The following NT5DC3 variants were observed in gnomAD, a reference collection of about 807,000 sequenced individuals.
NT5DC3 encodes 5'-nucleotidase domain containing 3.
Under a neutral mutation model 67.8 loss-of-function variants are expected in NT5DC3, and 42 were observed. The observed-to-expected ratio is 0.62, with a 90% confidence interval of 0.48 to 0.80. The LOEUF (loss-of-function observed/expected upper bound fraction) is 0.80. Ranked by LOEUF, NT5DC3 falls within the 30% of genes least tolerant of loss-of-function variation. NT5DC3 has a pLI of 0.00. For synonymous variants in NT5DC3, 237 were observed against 255.6 expected (o/e 0.93, Z 0.69); for missense variants, 570 against 696.4 (o/e 0.82, Z 2.04).
chr12:103,762,735 G>A, the NT5DC3 span, among the ~76,000 whole-genome samples: 1 of 152,214 alleles, frequency 6.6e-6, no homozygotes, highest in South Asian at 2.1e-4. Flanking sequence ...AGGATTCACT[G>A]CACAAGCACA....
intron 1 of NT5DC3, among the ~76,000 whole-genome samples, chr12:103,836,922 C>T (rs1593447622): frequency 6.6e-6 from 1 of 152,130 alleles, no homozygotes; most frequent in Non-Finnish European, 1.5e-5. Context: ...GCCCTCTTCT[C>T]GCAGCTCCAC....
intron 1 of NT5DC3, among the ~76,000 whole-genome samples, chr12:103,838,578 T>C (rs551331307): frequency 1.6e-4 from 24 of 152,362 alleles, no homozygotes; most frequent in African/African-American, 5.8e-4. Context: ...TTGTACTCTT[T>C]GGCATTTAGA....
chr12:103,763,570 A>G, the NT5DC3 span: 2 of 1,613,984 alleles, frequency 1.2e-6, no homozygotes, highest in Middle Eastern at 1.6e-4. Flanking sequence ...TGAGAGCACA[A>G]CCTCAGCTCC....
chr12:103,793,392 A>T lies in NT5DC3; in HGVS notation c.917+18T>A. 6.2e-7 allele frequency: 1 copy of T among 1,602,932 alleles called. No homozygotes were observed. Among genetic ancestry groups the T allele is most frequent in the Non-Finnish European group, 8.5e-7 (1 of 1,169,886 alleles). On this transcript the variant is annotated intron_variant, in intron 8 of 13. Transcript: ENST00000392876. Reference sequence around the variant, plus strand: ...AGGAGTGTGCCAGAAGCTAGCAATGAAACACAGAGCAACTTACACAAAGCT... The same window carrying T: ...AGGAGTGTGCCAGAAGCTAGCAATGTAACACAGAGCAACTTACACAAAGCT...
rs1319540073 is a variant in NT5DC3, at chr12:103,775,085, T to C, written c.*2744A>G. 1 of 150,296 alleles carries C rather than the reference T, an allele frequency of 6.7e-6. No homozygotes were observed. Among genetic ancestry groups the C allele is most frequent in the African/African-American group, 2.5e-5 (1 of 40,706 alleles). The allele number at this position is 150,296 out of a possible 1,614,324, so 9.3% of individuals were successfully genotyped here. A position where few individuals can be genotyped will look rare whatever the true frequency, so the allele number is the denominator to read the frequency against. On this transcript the variant is annotated 3_prime_UTR_variant, in exon 14 of 14. Coordinates refer to ENST00000392876, the MANE Select transcript of NT5DC3 (RefSeq NM_001031701.3). ...ACTGAGTATATACAAGGATTAATAATAAAGTGGGATGTGCCTCCATCGTTC... is the reference window on the plus strand; with the variant it reads ...ACTGAGTATATACAAGGATTAATAACAAAGTGGGATGTGCCTCCATCGTTC...
At chr12:103,806,203 T>A (rs1483052478) in intron 4 of NT5DC3, 119 bp downstream of exon 4, 1 of 696,886 alleles carries the variant, frequency 1.4e-6, no homozygotes, top group African/African-American at 1.8e-5. Context: ...AGTAAGTGAG[T>A]GAATGAATGA....
chr12:103,807,104 G>A (rs1006377848), intron 2 of NT5DC3, among the ~76,000 whole-genome samples, 175 bp from the exon 3 acceptor site: 4 of 152,174 alleles, frequency 2.6e-5, no homozygotes, highest in African/African-American at 9.7e-5. Context: ...CTCCTAGCAA[G>A]CACGCTGGCC....
At chr12:103,780,683 A>G (rs1885513041) in intron 12 of NT5DC3, among the ~76,000 whole-genome samples, 1 of 152,282 alleles carries the variant, frequency 6.6e-6, no homozygotes, top group Admixed American at 6.5e-5. Flanking sequence ...TAACACATGT[A>G]TGTGATATAT....
chr12:103,750,900 G>A, the NT5DC3 span, among the ~76,000 whole-genome samples: 812 of 152,330 alleles, frequency 5.3e-3, 37 homozygotes, highest in Admixed American at 0.049. Flanking sequence ...AGACCAGCCC[G>A]GCCAACATGG....
chr12:103,783,160 AATAACTT>A (rs1386737026), intron 12 of NT5DC3, among the ~76,000 whole-genome samples: 3 of 152,224 alleles, frequency 2.0e-5, no homozygotes, highest in African/African-American at 7.2e-5. Context: ...GGCTCAGTGG[AATAACTT>A]ATAACTTTCT....
At chr12:103,750,604 G>A in the NT5DC3 span, 3 of 1,614,090 alleles carry the variant, frequency 1.9e-6, no homozygotes, top group Admixed American at 3.3e-5. Flanking sequence ...GAGTGTAAAA[G>A]TCACTATGTC....
intron 12 of NT5DC3, among the ~76,000 whole-genome samples, chr12:103,782,379 G>A (rs10861100): frequency 0.16 from 22,667 of 138,066 alleles, 1,972 homozygotes; most frequent in East Asian, 0.48. Context: ...AGAAAAAAAA[G>A]AGAAGAATTT....
chr12:103,763,693 G>A, the NT5DC3 span: 4 of 1,243,012 alleles, frequency 3.2e-6, no homozygotes, highest in South Asian at 5.4e-5. Flanking sequence ...GGAGATCTTT[G>A]TACCAAAGAA....
chr12:103,831,816 C>T (rs1236465237), intron 1 of NT5DC3, among the ~76,000 whole-genome samples: 4 of 143,534 alleles, frequency 2.8e-5, no homozygotes, highest in Admixed American at 7.2e-5. Context: ...CAATCTGTCA[C>T]TCAGGCTGGA....
rs1279940049 is a variant in NT5DC3, at chr12:103,805,840, C to T, written c.524+482G>A. ...CAGCCTGGGCATCACAGCGAGACTC[C>T]ACCTCAAAAAAAAAAAAAAAAAAAA... On this transcript the variant is annotated intron_variant, in intron 4 of 13. Coordinates refer to ENST00000392876, the MANE Select transcript of NT5DC3 (RefSeq NM_001031701.3). Among the ~76,000 whole-genome samples, 3 of 116,360 alleles carry T rather than the reference C, an allele frequency of 2.6e-5. No individual in the cohort carries two copies. The East Asian group carries it at 8.6e-4, about 34-fold the overall frequency. The allele number at this position is 116,360 out of a possible 152,430, so 76.3% of individuals were successfully genotyped here.
the NT5DC3 span, chr12:103,755,567 C>A: frequency 6.2e-7 from 1 of 1,611,978 alleles, no homozygotes; most frequent in Non-Finnish European, 8.5e-7. Context: ...GCAGCCCTGG[C>A]CCCTGCCTTA....
chr12:103,750,464 G>C, the NT5DC3 span: 1 of 1,356,198 alleles, frequency 7.4e-7, no homozygotes, highest in Non-Finnish European at 1.0e-6. Context: ...GGAAAGGCAC[G>C]TTCTCTTGGT....
chr12:103,813,675 T>C (rs897895417), intron 2 of NT5DC3, among the ~76,000 whole-genome samples: 5 of 152,118 alleles, frequency 3.3e-5, no homozygotes, highest in African/African-American at 1.2e-4. Context: ...TGGGGTAACA[T>C]CTTCAAGGCC....
chr12:103,806,296 T>C (rs756113149), intron 4 of NT5DC3, 26 bp downstream of exon 4: 6 of 1,516,596 alleles, frequency 4.0e-6, no homozygotes, highest in African/African-American at 2.7e-5. Context: ...TTCACGTAAA[T>C]TAAATGTATC....
Sources: allele counts gnomAD v4.1 joint callset (sites outside exome capture counted in the v4.1 genomes callset), GRCh38; gene constraint gnomAD v4.1.1; transcripts MANE v1.5; gene names NCBI Gene and HGNC (gene_info 2026-07-23, HGNC 2026-07-21).